Variants in FBXO28 observed in about 807,000 individuals in gnomAD.
FBXO28 encodes the protein F-box only protein 28.
A neutral mutation model predicts 38.1 loss-of-function variants in FBXO28; 8 were observed. The observed-to-expected ratio is 0.21, with a 90% confidence interval of 0.12 to 0.38. The LOEUF (loss-of-function observed/expected upper bound fraction) is 0.38. Among genes scored for constraint, FBXO28 ranks in the 10% least tolerant of loss-of-function variants. The pLI, the probability that FBXO28 is intolerant of heterozygous loss-of-function variation, is 1.00. For synonymous variants in FBXO28, 168 were observed against 173.8 expected (o/e 0.97, Z 0.26); for missense variants, 345 against 460.6 (o/e 0.75, Z 2.30).
rs544775363 is a variant in FBXO28, at chr1:224,152,211, A to T, written c.517-931A>T. ...CCCCATTACAATTATCATTAAAACA[A>T]AAAAGGATCTTCTGCTACCTTTTGG... is the stretch of plus-strand genomic sequence containing the variant. On this transcript the variant is annotated intron_variant, in intron 3 of 4. Transcript: ENST00000366862. Among the ~76,000 whole-genome samples, 12 of 152,238 alleles carry T rather than the reference A, an allele frequency of 7.9e-5. No homozygotes were observed. The East Asian group carries it at 2.3e-3, about 29-fold the overall frequency.
At chr1:224,135,220 C>T (rs1657146240) in intron 3 of FBXO28, among the ~76,000 whole-genome samples, 1 of 152,112 alleles carries the variant, frequency 6.6e-6, no homozygotes, top group Non-Finnish European at 1.5e-5. Context: ...ATTCTTATGC[C>T]AGATTTTTCT....
chr1:224,130,845 C>G, intron 2 of FBXO28: 1 of 332,274 alleles, frequency 3.0e-6, no homozygotes, highest in Non-Finnish European at 5.6e-6. Context: ...ACTCTCTGTT[C>G]ACAGATGATA....
intron 1 of FBXO28, among the ~76,000 whole-genome samples, chr1:224,118,818 T>C (rs549320291): frequency 5.3e-5 from 8 of 152,348 alleles, no homozygotes; most frequent in South Asian, 2.1e-4. Context: ...TTAAAAGTTA[T>C]TGAAGACCCA....
intron 2 of FBXO28, among the ~76,000 whole-genome samples, chr1:224,133,517 A>AT (rs1572013189): frequency 6.6e-6 from 1 of 151,744 alleles, no homozygotes; most frequent in East Asian, 1.9e-4. Flanking sequence ...AAAAACCTTT[A>AT]CTTTTATTTT....
At chr1:224,153,947 G>T (rs2102635592) in intron 4 of FBXO28, among the ~76,000 whole-genome samples, 1 of 151,988 alleles carries the variant, frequency 6.6e-6, no homozygotes, top group South Asian at 2.1e-4. Flanking sequence ...AAATAGGATT[G>T]CTGGACCAGG....
chr1:224,149,506 G>A (rs4653991), intron 3 of FBXO28, among the ~76,000 whole-genome samples: 77,917 of 152,012 alleles, frequency 0.51, 20,999 homozygotes, highest in South Asian at 0.6. Context: ...ACAAATTCTT[G>A]TGTTGAATTA....
chr1:224,136,773 A>G (rs913041565), intron 3 of FBXO28, among the ~76,000 whole-genome samples: 2 of 150,272 alleles, frequency 1.3e-5, no homozygotes, highest in Non-Finnish European at 3.0e-5. Context: ...TGTTTTTGAG[A>G]TGGGGTCTCG....
intron 1 of FBXO28, among the ~76,000 whole-genome samples, chr1:224,119,079 T>C (rs1326374414): frequency 6.6e-6 from 1 of 152,060 alleles, no homozygotes; most frequent in Non-Finnish European, 1.5e-5. Flanking sequence ...TGAGGACCAC[T>C]GCTCTGTATT....
intron 2 of FBXO28, 75 bp downstream of exon 2, chr1:224,130,656 T>C: frequency 1.0e-6 from 1 of 953,384 alleles, no homozygotes; most frequent in Non-Finnish European, 1.7e-6. Flanking sequence ...TTCAGTCTCA[T>C]GGTTTACATA....
At chr1:224,143,071 C>T (rs926756741) in intron 3 of FBXO28, among the ~76,000 whole-genome samples, 4 of 151,408 alleles carry the variant, frequency 2.6e-5, no homozygotes, top group East Asian at 1.9e-4. Flanking sequence ...ACCAAGCAAG[C>T]GTGCGGTGGT....
chr1:224,149,957 G>T (rs1233017829), intron 3 of FBXO28, among the ~76,000 whole-genome samples: 1 of 152,208 alleles, frequency 6.6e-6, no homozygotes, highest in East Asian at 1.9e-4. Context: ...TGGGGAACTT[G>T]ATTTAGTTCA....
chr1:224,135,901 G>T (rs1657171390), intron 3 of FBXO28, among the ~76,000 whole-genome samples: 1 of 151,918 alleles, frequency 6.6e-6, no homozygotes, highest in African/African-American at 2.4e-5. Flanking sequence ...TGGGCATGGT[G>T]GCATGTGCCT....
At position 224,158,279 on chromosome 1, in the gene FBXO28, C is replaced by A; in HGVS notation, c.*533C>A. 1.1e-6 allele frequency: 1 copy of A among 928,202 alleles called. No individual in the cohort carries two copies. Among genetic ancestry groups the A allele is most frequent in the Non-Finnish European group, 1.3e-6 (1 of 777,596 alleles). 57.5% of individuals were successfully genotyped at this position (928,202 alleles called of 1,614,324 possible). On this transcript the variant is annotated 3_prime_UTR_variant, in exon 5 of 5. Transcript: ENST00000366862. The stretch of plus-strand genomic sequence containing the variant: ...GTAATGGGTAACTAAAATGGACTTC[C>A]ATAGTATTGACTGTAGAAGGAGCCT...
At chr1:224,118,710 C>T (rs1337163565) in intron 1 of FBXO28, among the ~76,000 whole-genome samples, 2 of 152,084 alleles carry the variant, frequency 1.3e-5, no homozygotes, top group Non-Finnish European at 2.9e-5. Flanking sequence ...ACCATTACTT[C>T]TTTTTTTGTT....
At chr1:224,135,611 C>CAAAAAAAAAAAAA (rs71168313) in intron 3 of FBXO28, among the ~76,000 whole-genome samples, 7 of 110,764 alleles carry the variant, frequency 6.3e-5, no homozygotes, top group African/African-American at 1.9e-4. Flanking sequence ...GACTCTGTCT[C>CAAAAAAAAAAAAA]AAAAAAAAAA....
intron 1 of FBXO28, among the ~76,000 whole-genome samples, chr1:224,119,131 T>TTTTC (rs1281528656): frequency 3.1e-5 from 2 of 63,608 alleles, no homozygotes; most frequent in East Asian, 8.4e-4. Flanking sequence ...TTTTTCTTTT[T>TTTTC]TTTCTTTTTT....
intron 1 of FBXO28, among the ~76,000 whole-genome samples, chr1:224,120,029 G>A (rs540620663): frequency 3.3e-5 from 5 of 152,276 alleles, no homozygotes; most frequent in South Asian, 4.1e-4. Context: ...CTTCCGTCTC[G>A]TATCATCATC....
chr1:224,133,454 C>A (rs1336969883), intron 2 of FBXO28, among the ~76,000 whole-genome samples: 1 of 152,042 alleles, frequency 6.6e-6, no homozygotes, highest in Non-Finnish European at 1.5e-5. Flanking sequence ...CATGTGTAAT[C>A]CATTCATTTA....
chr1:224,146,614 ACTC>A (rs1220827427), intron 3 of FBXO28, among the ~76,000 whole-genome samples: 6 of 151,284 alleles, frequency 4.0e-5, no homozygotes, highest in Non-Finnish European at 7.4e-5. Context: ...TTGCTCTTGA[ACTC>A]CTGCCTCCCT....
Sources: allele counts gnomAD v4.1 joint callset (sites outside exome capture counted in the v4.1 genomes callset), GRCh38; gene constraint gnomAD v4.1.1; transcripts MANE v1.5; gene names NCBI Gene and HGNC (gene_info 2026-07-23, HGNC 2026-07-21).